The following FBXL17 variants were observed in gnomAD, a reference collection of about 807,000 sequenced individuals.
The protein encoded by FBXL17 is F-box/LRR-repeat protein 17.
In FBXL17, 22 loss-of-function variants were observed where a neutral mutation model predicts 66.2. That is an observed-to-expected ratio of 0.33 (90% CI 0.24 to 0.47). FBXL17 has a LOEUF of 0.47. Ranked by LOEUF, FBXL17 falls within the 20% of genes least tolerant of loss-of-function variation. The probability of loss-of-function intolerance (pLI) is 1.00; values close to 1 mark genes in which losing one functional copy is unlikely to be tolerated. For synonymous variants in FBXL17, 474 were observed against 400.5 expected (o/e 1.18, Z -2.19); for missense variants, 878 against 948.2 (o/e 0.93, Z 0.97).
At chr5:108,330,638 A>G (rs934126561) in intron 4 of FBXL17, among the ~76,000 whole-genome samples, 1 of 152,190 alleles carries the variant, frequency 6.6e-6, no homozygotes, top group African/African-American at 2.4e-5. Flanking sequence ...AGGGAACAAA[A>G]AAAACTCCCC....
chr5:108,262,046 G>A (rs1259326287), intron 4 of FBXL17, among the ~76,000 whole-genome samples: 2 of 148,850 alleles, frequency 1.3e-5, no homozygotes, highest in Non-Finnish European at 3.0e-5. Flanking sequence ...AATACAAAGT[G>A]ATACATATTT....
intron 4 of FBXL17, among the ~76,000 whole-genome samples, chr5:108,237,021 T>G (rs1277630547): frequency 1.2e-4 from 19 of 152,030 alleles, no homozygotes; most frequent in Admixed American, 1.2e-3. Flanking sequence ...TAGTAGGTGG[T>G]AAAAAAAGAC....
intron 6 of FBXL17, among the ~76,000 whole-genome samples, chr5:108,170,612 C>T (rs1469755672): frequency 2.6e-5 from 4 of 152,144 alleles, no homozygotes; most frequent in Non-Finnish European, 2.9e-5. Flanking sequence ...CAGATCACTG[C>T]AACTTCCGCT....
At chr5:107,973,307 T>C (rs1190316122) in intron 7 of FBXL17, among the ~76,000 whole-genome samples, 2 of 152,016 alleles carry the variant, frequency 1.3e-5, no homozygotes, top group African/African-American at 4.8e-5. Flanking sequence ...ATGTGACCTA[T>C]ATACAAATTC....
At chr5:108,226,800 AAGC>A (rs1246846090) in intron 4 of FBXL17, among the ~76,000 whole-genome samples, 2 of 152,166 alleles carry the variant, frequency 1.3e-5, no homozygotes, top group African/African-American at 4.8e-5. Context: ...ACTATCTTCC[AAGC>A]AGGAGATCAG....
At chr5:108,350,514 G>T (rs1580867924) in intron 3 of FBXL17, among the ~76,000 whole-genome samples, 1 of 152,108 alleles carries the variant, frequency 6.6e-6, no homozygotes, top group African/African-American at 2.4e-5. Flanking sequence ...CACTTGTCCA[G>T]CATAAATGAC....
intron 7 of FBXL17, among the ~76,000 whole-genome samples, chr5:108,003,350 A>G (rs79736698): frequency 0.042 from 6,335 of 152,278 alleles, 408 homozygotes; most frequent in African/African-American, 0.14. Flanking sequence ...AGTGTACCAG[A>G]GTTCCTGGTG....
At chr5:108,009,308 T>TATATAGATAGATAGATATATACAC in intron 7 of FBXL17, among the ~76,000 whole-genome samples, 1 of 42,210 alleles carries the variant, frequency 2.4e-5, no homozygotes, top group African/African-American at 8.8e-5. Context: ...TATACATATA[T>TATATAGATAGATAGATATATACAC]ACATACACAT....
intron 7 of FBXL17, among the ~76,000 whole-genome samples, chr5:108,003,391 G>C (rs765601839): frequency 6.6e-6 from 1 of 152,050 alleles, no homozygotes; most frequent in Non-Finnish European, 1.5e-5. Context: ...AAGCACATCC[G>C]TTAACACAGG....
chr5:108,254,574 T>C (rs1478102068), intron 4 of FBXL17, among the ~76,000 whole-genome samples: 1 of 152,208 alleles, frequency 6.6e-6, no homozygotes, highest in Non-Finnish European at 1.5e-5. Flanking sequence ...ATGAAAATCA[T>C]AAATGCCTCT....
At chr5:107,970,246 C>A (rs990474263) in intron 7 of FBXL17, among the ~76,000 whole-genome samples, 1 of 152,070 alleles carries the variant, frequency 6.6e-6, no homozygotes, top group Non-Finnish European at 1.5e-5. Context: ...CTCTTTGTTA[C>A]CAAACGCAAG....
chr5:108,168,191 T>C (rs564108957), intron 6 of FBXL17, among the ~76,000 whole-genome samples: 22 of 152,342 alleles, frequency 1.4e-4, no homozygotes, highest in African/African-American at 4.8e-4. Context: ...CAAAAGTTGT[T>C]GATTTTCCCA....
Position 108,212,378 on chromosome 5 carries a change from C to T in FBXL17, c.1614+11743G>A, listed in dbSNP as rs556732622. ...CCATCCAGTTTTGTTCTCTTGCTGGCGAGGAGTTGTGATCCTTTGGAGGAG... is the reference window on the plus strand; with the variant it reads ...CCATCCAGTTTTGTTCTCTTGCTGGTGAGGAGTTGTGATCCTTTGGAGGAG... On this transcript the variant is annotated intron_variant, in intron 5 of 8. Coordinates refer to ENST00000542267, the MANE Select transcript of FBXL17 (RefSeq NM_001163315.3). 4.6e-5 allele frequency among the ~76,000 whole-genome samples: 7 copies of T among 152,234 alleles called. No homozygotes were observed. In the South Asian group the frequency reaches 1.5e-3, roughly 32 times the overall value.
chr5:107,881,000 T>A, intron 8 of FBXL17, 37 bp downstream of exon 8: 1 of 1,613,978 alleles, frequency 6.2e-7, no homozygotes, highest in Non-Finnish European at 8.5e-7. Context: ...ACTATACTGA[T>A]ATGTAGAAAG....
intron 6 of FBXL17, among the ~76,000 whole-genome samples, chr5:108,167,927 G>C (rs77201923): frequency 6.6e-6 from 1 of 152,258 alleles, no homozygotes; most frequent in African/African-American, 2.4e-5. Flanking sequence ...GTCAGAAACG[G>C]AAAGACTCAT....
At chr5:108,074,850 G>C (rs1159022920) in intron 6 of FBXL17, among the ~76,000 whole-genome samples, 1 of 152,168 alleles carries the variant, frequency 6.6e-6, no homozygotes, top group East Asian at 1.9e-4. Flanking sequence ...CTGCAGTTTT[G>C]GAGGTAGCTG....
At position 108,026,479 on chromosome 5, in the gene FBXL17, T is replaced by G. The variant is rs114965082; in HGVS notation, c.1746-5478A>C. ...CCAAATATACACCTAAGTCAATTTTTCATGTAAACTTCTAAAGATGTGCTC... is the reference window on the plus strand; with the variant it reads ...CCAAATATACACCTAAGTCAATTTTGCATGTAAACTTCTAAAGATGTGCTC... On this transcript the variant is annotated intron_variant, in intron 6 of 8. Coordinates refer to ENST00000542267, the MANE Select transcript of FBXL17 (RefSeq NM_001163315.3). Among the ~76,000 whole-genome samples, 883 of 152,346 alleles carry G rather than the reference T, an allele frequency of 5.8e-3. 2 individuals are homozygous for G. Among genetic ancestry groups the G allele is most frequent in the Non-Finnish European group, 0.011 (731 of 68,032 alleles).
intron 4 of FBXL17, among the ~76,000 whole-genome samples, chr5:108,346,363 A>G (rs1463559531): frequency 2.0e-5 from 3 of 152,144 alleles, no homozygotes; most frequent in Non-Finnish European, 4.4e-5. Context: ...TGCCCTTAGC[A>G]TTTACGTATA....
intron 4 of FBXL17, among the ~76,000 whole-genome samples, chr5:108,248,474 T>C (rs1048590567): frequency 1.3e-5 from 2 of 151,874 alleles, no homozygotes; most frequent in South Asian, 4.2e-4. Context: ...TGACAGAAAA[T>C]TTAATGTTCA....
Sources: gnomAD v4.1 joint callset for allele counts (sites outside exome capture counted in the v4.1 genomes callset) on GRCh38, gnomAD v4.1.1 for gene constraint, MANE v1.5 for transcripts, NCBI Gene and HGNC (gene_info 2026-07-23, HGNC 2026-07-21) for gene names.